A1CF: variants seen among roughly 807,000 people sequenced by gnomAD.
A1CF encodes APOBEC1 complementation factor, also known as APOBEC-1 stimulating protein.
In A1CF, 48 loss-of-function variants were observed where a neutral mutation model predicts 68.9. That is an observed-to-expected ratio of 0.70 (90% CI 0.55 to 0.89). The LOEUF is 0.89. A1CF is among the 40% of genes least tolerant of loss of function. The probability of loss-of-function intolerance (pLI) is 0.00; values close to 1 mark genes in which losing one functional copy is unlikely to be tolerated. For synonymous variants in A1CF, 272 were observed against 260.4 expected, an observed-to-expected ratio of 1.04 and a Z score of -0.43; for missense variants, 653 against 718.9, an observed-to-expected ratio of 0.91 and a Z score of 1.05.
intron 1 of A1CF, among the ~76,000 whole-genome samples, chr10:50,871,481 G>A (rs1841264960): frequency 6.6e-6 from 1 of 151,932 alleles, no homozygotes; most frequent in South Asian, 2.1e-4. Flanking sequence ...AAATTATTCT[G>A]AAATTTGACA....
chr10:50,807,266 C>A (rs1338891669), intron 12 of A1CF, among the ~76,000 whole-genome samples: 1 of 152,090 alleles, frequency 6.6e-6, no homozygotes, highest in Admixed American at 6.5e-5. Context: ...GAGGGGCTGG[C>A]TGGGCATGGT....
intron 9 of A1CF, among the ~76,000 whole-genome samples, chr10:50,815,258 G>T (rs1470099784): frequency 2.0e-5 from 3 of 152,158 alleles, no homozygotes; most frequent in African/African-American, 7.2e-5. Context: ...CTTGGAAATA[G>T]AATAAAGGCT....
chr10:50,836,981 C>A (rs1166964035), intron 5 of A1CF, among the ~76,000 whole-genome samples: 1 of 152,128 alleles, frequency 6.6e-6, no homozygotes, highest in Non-Finnish European at 1.5e-5. Context: ...GTCCCTACAC[C>A]TAACCCAGGT....
Position 50,810,056 on chromosome 10 carries a change from C to A in A1CF, c.1461-14G>T. ...GTGAAAGGGTGGCTGGAAAGCAAGTCAGTCAGGGTAGGCATTTTTAAACTG... is the reference window on the plus strand; with the variant it reads ...GTGAAAGGGTGGCTGGAAAGCAAGTAAGTCAGGGTAGGCATTTTTAAACTG... On this transcript the variant is annotated splice_polypyrimidine_tract_variant and intron_variant, in intron 11 of 12. Transcript: ENST00000373997. 6.2e-7 allele frequency: 1 copy of A among 1,613,702 alleles called. No homozygotes were observed. Among genetic ancestry groups the A allele is most frequent in the South Asian group, 1.1e-5 (1 of 91,026 alleles).
chr10:50,806,379 C>CAT lies in A1CF; in HGVS notation c.*349_*350insAT, dbSNP rs1837818099. 1 of 157,798 alleles carries CAT rather than the reference C, an allele frequency of 6.3e-6. No homozygotes were observed. The highest frequency in any genetic ancestry group is 1.4e-5 in the Non-Finnish European group (1 of 72,022). 9.8% of individuals were successfully genotyped at this position (157,798 alleles called of 1,614,324 possible). ...GCTTCCCTTGATTATTACTGACTGCCCAGGTCTGCTCCATCCCTCCCAAAT... is the reference window on the plus strand; with the variant it reads ...GCTTCCCTTGATTATTACTGACTGCCATCAGGTCTGCTCCATCCCTCCCAAAT... On this transcript the variant is annotated 3_prime_UTR_variant, in exon 13 of 13. Coordinates refer to ENST00000373997, the MANE Select transcript of A1CF (RefSeq NM_014576.4).
intron 3 of A1CF, among the ~76,000 whole-genome samples, chr10:50,850,453 A>C (rs986198269): frequency 4.6e-5 from 7 of 152,218 alleles, no homozygotes; most frequent in African/African-American, 1.7e-4. Context: ...TTATAATGTA[A>C]GATTTTGGTC....
At chr10:50,878,126 A>G (rs1337838359) in intron 1 of A1CF, among the ~76,000 whole-genome samples, 1 of 152,098 alleles carries the variant, frequency 6.6e-6, no homozygotes, top group Non-Finnish European at 1.5e-5. Context: ...CATCTCAAAA[A>G]GAAAAAAAAG....
intron 3 of A1CF, among the ~76,000 whole-genome samples, chr10:50,845,119 C>CT (rs1327362028): frequency 6.6e-6 from 1 of 152,018 alleles, no homozygotes; most frequent in Non-Finnish European, 1.5e-5. Flanking sequence ...GCCTGGATTA[C>CT]TTTTTTTGTT....
chr10:50,878,703 T>G (rs1356473427), intron 1 of A1CF, among the ~76,000 whole-genome samples: 1 of 152,218 alleles, frequency 6.6e-6, no homozygotes, highest in African/African-American at 2.4e-5. Context: ...ACTAAGAGTT[T>G]CCAGGCATTA....
At chr10:50,808,521 C>A (rs1012874770) in intron 12 of A1CF, among the ~76,000 whole-genome samples, 4 of 152,294 alleles carry the variant, frequency 2.6e-5, no homozygotes, top group African/African-American at 9.6e-5. Context: ...GAAGCCCTGG[C>A]AGGCATCCTG....
In A1CF at chr10:50,800,276, T is replaced by C. The variant is rs1837546992; in HGVS notation, c.*6453A>G. ...CCTCTAACTAACCTTTTTCTCCTTC[T>C]ATTTTTGCATAGTCCTTTATATTTC... On this transcript the variant is annotated 3_prime_UTR_variant, in exon 13 of 13. Coordinates refer to ENST00000373997, the MANE Select transcript of A1CF (RefSeq NM_014576.4). 1 of 152,300 alleles carries C rather than the reference T, an allele frequency of 6.6e-6. No homozygotes were observed. The highest frequency in any genetic ancestry group is 6.5e-5 in the Admixed American group (1 of 15,298). The allele number at this position is 152,300 out of a possible 1,614,324, so 9.4% of individuals were successfully genotyped here.
At chr10:50,836,594 G>T (rs1427545123) in intron 5 of A1CF, among the ~76,000 whole-genome samples, 1 of 151,516 alleles carries the variant, frequency 6.6e-6, no homozygotes, top group African/African-American at 2.4e-5. Context: ...CAACATGCAG[G>T]TTTGTTACAT....
At chr10:50,849,786 C>CTTTTTTTTTTTT (rs71949925) in intron 3 of A1CF, among the ~76,000 whole-genome samples, 2 of 83,654 alleles carry the variant, frequency 2.4e-5, no homozygotes, top group African/African-American at 4.7e-5. Context: ...TTAATGAATT[C>CTTTTTTTTTTTT]TTTTTTTTTT....
chr10:50,835,556 G>A (rs553481255), intron 6 of A1CF, among the ~76,000 whole-genome samples: 9 of 152,216 alleles, frequency 5.9e-5, no homozygotes, highest in African/African-American at 1.4e-4. Context: ...TCCTGTGGTT[G>A]TAATAACTAA....
intron 1 of A1CF, among the ~76,000 whole-genome samples, chr10:50,867,916 C>T (rs561912677): frequency 3.3e-5 from 5 of 152,158 alleles, no homozygotes; most frequent in South Asian, 2.1e-4. Context: ...TTTGATTTTT[C>T]GGAAGAAATT....
At chr10:50,817,187 T>G (rs1838412987) in intron 8 of A1CF, among the ~76,000 whole-genome samples, 2 of 152,330 alleles carry the variant, frequency 1.3e-5, no homozygotes, top group African/African-American at 4.8e-5. Context: ...CTTGATAGAT[T>G]GATGTATTTA....
intron 1 of A1CF, among the ~76,000 whole-genome samples, chr10:50,867,782 T>G (rs1841063039): frequency 6.6e-6 from 1 of 152,150 alleles, no homozygotes. Context: ...GGTTAAAAAT[T>G]AAAGTAATTA....
At chr10:50,855,288 A>G (rs111724731) in intron 3 of A1CF, among the ~76,000 whole-genome samples, 3 of 151,926 alleles carry the variant, frequency 2.0e-5, no homozygotes, top group Non-Finnish European at 4.4e-5. Context: ...CAGGAAGTAC[A>G]GTTAAGAATA....
intron 7 of A1CF, among the ~76,000 whole-genome samples, chr10:50,826,105 C>G (rs997082301): frequency 1.9e-4 from 29 of 152,124 alleles, no homozygotes; most frequent in African/African-American, 7.0e-4. Context: ...TTCTTCATTA[C>G]AGTAAATATT....
Sources: gnomAD v4.1 joint callset for allele counts (sites outside exome capture counted in the v4.1 genomes callset) on GRCh38, gnomAD v4.1.1 for gene constraint, MANE v1.5 for transcripts, NCBI Gene and HGNC (gene_info 2026-07-23, HGNC 2026-07-21) for gene names.